The following WNT9B variants were observed in gnomAD, a reference collection of about 807,000 sequenced individuals.
The protein encoded by WNT9B is protein Wnt-9b.
Under a neutral mutation model 30.2 loss-of-function variants are expected in WNT9B, and 12 were observed. The observed-to-expected ratio is 0.40, with a 90% CI of 0.26 to 0.64. The LOEUF is 0.64. Ranked by LOEUF, WNT9B falls within the 30% of genes least tolerant of loss-of-function variation. The pLI is 0.42. For synonymous variants in WNT9B, 218 were observed against 216.9 expected (o/e 1.01, Z -0.05); for missense variants, 442 against 485.2 (o/e 0.91, Z 0.84).
chr17:46,858,706 A>G (rs1397273022), intron 1 of WNT9B, among the ~76,000 whole-genome samples: 1 of 152,154 alleles, frequency 6.6e-6, no homozygotes, highest in African/African-American at 2.4e-5. Flanking sequence ...AATAGTTCTC[A>G]CAAGGAAACT....
At chr17:46,841,106 C>A (rs994668573) in intron 1 of WNT9B, among the ~76,000 whole-genome samples, 1 of 152,104 alleles carries the variant, frequency 6.6e-6, no homozygotes, top group African/African-American at 2.4e-5. Context: ...AAGAGGGTGC[C>A]GACAGACAAG....
chr17:46,875,505 G>A (rs539069231), intron 3 of WNT9B, 139 bp downstream of exon 3: 282 of 1,212,792 alleles, frequency 2.3e-4, no homozygotes, highest in Non-Finnish European at 3.0e-4. Flanking sequence ...TGAACTTCAC[G>A]TCTTCAACCA....
upstream of WNT9B, among the ~76,000 whole-genome samples, chr17:46,847,967 AGTGTGTGT>A (rs57125736): frequency 1.4e-3 from 205 of 149,690 alleles, 2 homozygotes; most frequent in East Asian, 5.7e-3. Context: ...TGATTTCCAA[AGTGTGTGT>A]GTGTGTGTGT....
intron 1 of WNT9B, 109 bp from the exon 2 acceptor site, chr17:46,872,408 G>C (rs1382332722): frequency 7.3e-7 from 1 of 1,365,654 alleles, no homozygotes; most frequent in Admixed American, 2.8e-5. Flanking sequence ...GGGTCAGCCT[G>C]CTGCCCAGAA....
rs1031078165 is a variant in WNT9B, at chr17:46,877,300, C to T, written c.*582C>T. Among the ~76,000 whole-genome samples the T allele has an allele frequency of 2.1e-4, 32 of 152,200 alleles. No individual in the cohort carries two copies. The highest frequency in any genetic ancestry group is 5.2e-4 in the Admixed American group (8 of 15,280). On this transcript the variant is annotated 3_prime_UTR_variant, in exon 4 of 4. Transcript: ENST00000290015. Reference sequence around the variant, plus strand: ...GAAAGCACAGGTGGTAGAAGCCATCCGTTCAGAGAAAGGAGAGCTTTCTGT... The same window carrying T: ...GAAAGCACAGGTGGTAGAAGCCATCTGTTCAGAGAAAGGAGAGCTTTCTGT...
intron 1 of WNT9B, among the ~76,000 whole-genome samples, chr17:46,835,509 C>T (rs541071430): frequency 3.9e-5 from 6 of 152,324 alleles, no homozygotes; most frequent in African/African-American, 1.2e-4. Context: ...CCACGCCCAG[C>T]CCAGTCTCCC....
chr17:46,882,751 G>C (rs771835501), downstream of WNT9B, among the ~76,000 whole-genome samples: 33 of 152,134 alleles, frequency 2.2e-4, no homozygotes, highest in South Asian at 6.2e-4. Flanking sequence ...GTGGCCTATG[G>C]TGCACGAGGC....
chr17:46,871,930 T>G (rs555425506), intron 1 of WNT9B, among the ~76,000 whole-genome samples: 4 of 152,326 alleles, frequency 2.6e-5, no homozygotes, highest in African/African-American at 9.6e-5. Context: ...CTGGGAATTA[T>G]GGAAACATGT....
chr17:46,847,972 G>GTGTGTGTGTGTGTC (rs2146534338), upstream of WNT9B, among the ~76,000 whole-genome samples: 1 of 99,298 alleles, frequency 1.0e-5, no homozygotes, highest in African/African-American at 3.8e-5. Context: ...TCCAAAGTGT[G>GTGTGTGTGTGTGTC]TGTGTGTGTG....
chr17:46,881,622 A>G (rs2085424027), downstream of WNT9B, among the ~76,000 whole-genome samples: 1 of 152,190 alleles, frequency 6.6e-6, no homozygotes, highest in Non-Finnish European at 1.5e-5. Flanking sequence ...GTTCCTGCTC[A>G]TAATCTAGTT....
In WNT9B at chr17:46,876,286, C is replaced by A. The variant is rs757007650; in HGVS notation, c.642C>A (p.Gly214=). ...TCAGGACCACGTGTAAGTGCCATGG[C>A]GTATCAGGCTCCTGTGCCGTGCGCA... ...SGLRTTCKCH[G]VSGSCAVRTC... is the part of the protein sequence containing the mutation. Residue 214 remains glycine, a synonymous_variant, in exon 4 of 4, where the codon GGC becomes GGA. Coordinates refer to ENST00000290015, the MANE Select transcript of WNT9B (RefSeq NM_003396.3). 1 of 1,613,640 alleles carries A rather than the reference C, an allele frequency of 6.2e-7. No individual in the cohort carries two copies. The highest frequency in any genetic ancestry group is 1.7e-5 in the Admixed American group (1 of 59,992).
chr17:46,833,341 A>G (rs1228709233), exon 1 of WNT9B: 1 of 517,782 alleles, frequency 1.9e-6, no homozygotes, highest in Non-Finnish European at 3.9e-6. Context: ...TCTTGTATCA[A>G]TTGCATGAAA....
At chr17:46,867,859 T>C (rs73316344) in intron 1 of WNT9B, among the ~76,000 whole-genome samples, 9,965 of 151,994 alleles carry the variant, frequency 0.066, 1,126 homozygotes, top group African/African-American at 0.23. Context: ...GTTGGGGGTG[T>C]CCTGGGGTCC....
rs181643135 is a variant in WNT9B at position 46,842,909 on chromosome 17, G to A, written c.95+9469G>A. ...CTGTTCTGTGAGGAAGGTGGACAGG[G>A]AGTGTTGTATCCATTTTATGGATGA... On this transcript the variant is annotated intron_variant, in intron 1 of 2. Coordinates refer to the WNT9B transcript ENST00000575372. Among the ~76,000 whole-genome samples, 131 of 152,346 alleles carry A rather than the reference G, an allele frequency of 8.6e-4. 1 individual carries two copies. The highest frequency in any genetic ancestry group is 1.8e-3 in the Admixed American group (28 of 15,304).
At chr17:46,844,809 CCCTT>C (rs61466292) in intron 1 of WNT9B, among the ~76,000 whole-genome samples, 28,799 of 150,660 alleles carry the variant, frequency 0.19, 3,386 homozygotes, top group East Asian at 0.5. Flanking sequence ...CTCCCTCCTT[CCCTT>C]CCTTCCTTCC....
In WNT9B at chr17:46,865,677, G is replaced by A. The variant is rs534204352; in HGVS notation, c.78-6840G>A. On this transcript the variant is annotated intron_variant, in intron 1 of 3. Transcript: ENST00000290015. ...GTCACCCAGGCTGGAGTGCGGTGGCGTGATCATGGCCCACTGCAGCCTTGA... is the reference window on the plus strand; with the variant it reads ...GTCACCCAGGCTGGAGTGCGGTGGCATGATCATGGCCCACTGCAGCCTTGA... Among the ~76,000 whole-genome samples the A allele has an allele frequency of 8.3e-4, 127 of 152,218 alleles. 1 individual carries two copies. The Middle Eastern group carries it at 0.037, about 45-fold the overall frequency.
At chr17:46,880,644 G>A (rs1598872501), downstream of WNT9B, among the ~76,000 whole-genome samples, 2 of 152,236 alleles carry the variant, frequency 1.3e-5, no homozygotes, top group South Asian at 4.1e-4. Context: ...GTTGTGAGAT[G>A]AGAAGCCTCC....
chr17:46,882,134 C>A (rs1444604079), downstream of WNT9B, among the ~76,000 whole-genome samples: 2 of 152,054 alleles, frequency 1.3e-5, no homozygotes, highest in Non-Finnish European at 2.9e-5. Context: ...CCAGCCTGAG[C>A]GACAGAGTGA....
exon 1 of WNT9B, chr17:46,833,223 G>A (rs2084578336): frequency 4.9e-6 from 2 of 410,226 alleles, no homozygotes; most frequent in Admixed American, 2.6e-5. Flanking sequence ...AGCAGCATGT[G>A]CGTGGAAGCT....
Sources: gnomAD v4.1 joint callset for allele counts (sites outside exome capture counted in the v4.1 genomes callset) on GRCh38, gnomAD v4.1.1 for gene constraint, MANE v1.5 for transcripts, NCBI Gene and HGNC (gene_info 2026-07-23, HGNC 2026-07-21) for gene names.